The following PCSK2 variants were observed in gnomAD, a reference collection of about 807,000 sequenced individuals.
PCSK2 encodes the protein neuroendocrine convertase 2.
A neutral mutation model predicts 69.7 loss-of-function variants in PCSK2; 14 were observed. The observed-to-expected ratio is 0.20, with a 90% confidence interval of 0.13 to 0.31. PCSK2 has a LOEUF of 0.31. Ranked by LOEUF, PCSK2 falls within the 10% of genes least tolerant of loss-of-function variation. PCSK2 has a pLI of 1.00. For synonymous variants in PCSK2, 307 were observed against 320.7 expected (o/e 0.96, Z 0.46); for missense variants, 544 against 842.5 (o/e 0.65, Z 4.39).
intron 1 of PCSK2, among the ~76,000 whole-genome samples, chr20:17,235,218 A>C (rs1986295333): frequency 6.6e-6 from 1 of 152,188 alleles, no homozygotes; most frequent in South Asian, 2.1e-4. Flanking sequence ...TAATTGAATA[A>C]AACAAGTTCT....
Position 17,358,414 on chromosome 20 carries a change from C to T in PCSK2, c.370C>T (p.Pro124Ser). The part of the protein sequence containing the change: ...INEIDINMND[P>S]LFTKQWYLIN... ...TGAGATCGACATCAACATGAACGATCCTCTTTTTACAAAGCAGTGGTATCT... is the reference window on the plus strand; with the variant it reads ...TGAGATCGACATCAACATGAACGATTCTCTTTTTACAAAGCAGTGGTATCT... The change falls in exon 3 of 12, where the codon CCT becomes TCT. Residue 124 changes from proline (P) to serine (S), a missense_variant. Physicochemically the swap from Pro to Ser is moderately conservative, Grantham distance 74 (BLOSUM62 -1). Transcript: ENST00000262545. 1 of 1,604,868 alleles carries T rather than the reference C, an allele frequency of 6.2e-7. No individual in the cohort carries two copies. The highest frequency in any genetic ancestry group is 8.5e-7 in the Non-Finnish European group (1 of 1,171,618).
At chr20:17,360,357 G>A (rs2030350458) in intron 3 of PCSK2, among the ~76,000 whole-genome samples, 175 bp from the exon 4 acceptor site, 1 of 151,916 alleles carries the variant, frequency 6.6e-6, no homozygotes, top group African/African-American at 2.4e-5. Context: ...AAATGGAGAG[G>A]AAACACTATA....
At chr20:17,436,512 G>C (rs1385249989) in intron 7 of PCSK2, among the ~76,000 whole-genome samples, 196 bp from the exon 8 acceptor site, 1 of 152,236 alleles carries the variant, frequency 6.6e-6, no homozygotes, top group Non-Finnish European at 1.5e-5. Flanking sequence ...CATCAGCAAA[G>C]ATGTGGGTGG....
intron 2 of PCSK2, among the ~76,000 whole-genome samples, chr20:17,261,933 G>A (rs1987403201): frequency 6.6e-6 from 1 of 152,190 alleles, no homozygotes; most frequent in Admixed American, 6.5e-5. Flanking sequence ...CATATAAACT[G>A]GGGGCAGAAT....
At chr20:17,481,293 A>G (rs1243880116) in intron 11 of PCSK2, among the ~76,000 whole-genome samples, 1 of 151,276 alleles carries the variant, frequency 6.6e-6, no homozygotes, top group Non-Finnish European at 1.5e-5. Context: ...GAGGCATGAG[A>G]ATCACTTGAA....
At chr20:17,464,081 A>G (rs1280790815) in intron 10 of PCSK2, 1 of 152,210 alleles carries the variant, frequency 6.6e-6, no homozygotes, top group Non-Finnish European at 1.5e-5. Flanking sequence ...TAATAACACC[A>G]ACCATTAAAT....
intron 5 of PCSK2, among the ~76,000 whole-genome samples, chr20:17,396,618 AT>A (rs11483786): frequency 0.077 from 11,155 of 144,992 alleles, 544 homozygotes; most frequent in Middle Eastern, 0.2. Flanking sequence ...AAGTCAACTT[AT>A]TTTTTTTTTT....
At chr20:17,426,677 C>T (rs946182651) in intron 6 of PCSK2, among the ~76,000 whole-genome samples, 2 of 152,206 alleles carry the variant, frequency 1.3e-5, no homozygotes, top group Admixed American at 6.5e-5. Flanking sequence ...TGAAGGTAGC[C>T]TGCTATAGAA....
chr20:17,470,237 T>C (rs1245216182), intron 11 of PCSK2, among the ~76,000 whole-genome samples: 2 of 152,194 alleles, frequency 1.3e-5, no homozygotes, highest in Admixed American at 6.5e-5. Context: ...TCCAATACAA[T>C]AGCTTGTGGC....
Position 17,382,449 on chromosome 20 carries a change from C to A in PCSK2, c.543+13172C>A, listed in dbSNP as rs2123255303. The stretch of plus-strand genomic sequence containing the variant: ...AGTTCACCATCTGTCATGCTGCCTT[C>A]ATTTAACCTGGCCCCCTCCAGTCTC... On this transcript the variant is annotated intron_variant, in intron 5 of 11. Coordinates refer to ENST00000262545, the MANE Select transcript of PCSK2 (RefSeq NM_002594.5). Among the ~76,000 whole-genome samples, 3 of 152,294 alleles carry A rather than the reference C, an allele frequency of 2.0e-5. No individual in the cohort carries two copies. The East Asian group carries it at 5.8e-4, about 29-fold the overall frequency.
chr20:17,480,337 C>A (rs965508020), intron 11 of PCSK2, among the ~76,000 whole-genome samples: 1 of 151,696 alleles, frequency 6.6e-6, no homozygotes, highest in East Asian at 1.9e-4. Context: ...CTACAGGCGC[C>A]CACCACCAAG....
chr20:17,382,587 T>A (rs1291870985), intron 5 of PCSK2, among the ~76,000 whole-genome samples: 1 of 152,164 alleles, frequency 6.6e-6, no homozygotes, highest in Non-Finnish European at 1.5e-5. Flanking sequence ...CTGCCAGTTC[T>A]GCTAGGCAAT....
At chr20:17,317,488 T>G (rs929758991) in intron 2 of PCSK2, among the ~76,000 whole-genome samples, 10 of 152,236 alleles carry the variant, frequency 6.6e-5, no homozygotes, top group Admixed American at 3.9e-4. Flanking sequence ...ATTCTGGCTG[T>G]GTCCATTAGT....
chr20:17,442,834 A>T (rs1019582864), intron 8 of PCSK2, among the ~76,000 whole-genome samples: 2 of 152,206 alleles, frequency 1.3e-5, no homozygotes, highest in African/African-American at 4.8e-5. Flanking sequence ...ACCTCTCGTT[A>T]GAGGACTCTT....
intron 1 of PCSK2, among the ~76,000 whole-genome samples, chr20:17,244,943 G>A (rs1291105870): frequency 1.3e-5 from 2 of 152,042 alleles, no homozygotes; most frequent in South Asian, 2.1e-4. Context: ...CCAGATCCTC[G>A]CCACCTTCTT....
chr20:17,409,298 C>T lies in PCSK2; in HGVS notation c.579C>T (p.Asp193=). The T allele has an allele frequency of 1.2e-6, 2 of 1,614,064 alleles. No individual in the cohort carries two copies. Among genetic ancestry groups the T allele is most frequent in the Non-Finnish European group, 1.7e-6 (2 of 1,179,914 alleles). The change falls in exon 6 of 12, where the codon GAC becomes GAT. Residue 193 remains aspartate, a synonymous_variant. Transcript: ENST00000262545. ...AEASYDFSSN[D]PYPYPRYTDD... is the part of the protein sequence containing the mutation. ...CAAGTTACGACTTCAGCAGCAACGACCCCTATCCTTACCCTCGGTACACAG... is the reference window on the plus strand; with the variant it reads ...CAAGTTACGACTTCAGCAGCAACGATCCCTATCCTTACCCTCGGTACACAG...
At chr20:17,303,495 A>AT (rs1160086142) in intron 2 of PCSK2, among the ~76,000 whole-genome samples, 6 of 62,824 alleles carry the variant, frequency 9.6e-5, no homozygotes, top group African/African-American at 1.3e-4. Flanking sequence ...TATTATATTT[A>AT]ATATAATATA....
chr20:17,249,112 G>C (rs1230324855), intron 1 of PCSK2, among the ~76,000 whole-genome samples: 2 of 152,158 alleles, frequency 1.3e-5, no homozygotes, highest in African/African-American at 2.4e-5. Flanking sequence ...GTTCTGATTT[G>C]AAACTAGGAA....
intron 8 of PCSK2, among the ~76,000 whole-genome samples, chr20:17,440,533 T>A (rs2032573783): frequency 6.6e-6 from 1 of 152,164 alleles, no homozygotes; most frequent in Admixed American, 6.5e-5. Context: ...AACAGAGGCC[T>A]AGGTAGCCCA....
Sources: gnomAD v4.1 joint callset for allele counts (sites outside exome capture counted in the v4.1 genomes callset) on GRCh38, gnomAD v4.1.1 for gene constraint, MANE v1.5 for transcripts, NCBI Gene and HGNC (gene_info 2026-07-23, HGNC 2026-07-21) for gene names.